Variants in CYFIP2 observed in about 807,000 individuals in gnomAD.
The protein encoded by CYFIP2 is cytoplasmic FMR1 interacting protein 2, also known as cytoplasmic FMR1-interacting protein 2.
In CYFIP2, 29 loss-of-function variants were observed where a neutral mutation model predicts 158.7. That is an observed-to-expected ratio of 0.18 (90% CI 0.14 to 0.25). The LOEUF is 0.25. Among genes scored for constraint, CYFIP2 ranks in the 10% least tolerant of loss-of-function variants. The probability of loss-of-function intolerance (pLI) is 1.00; values close to 1 mark genes in which losing one functional copy is unlikely to be tolerated. For synonymous variants in CYFIP2, 585 were observed against 617.6 expected (o/e 0.95, Z 0.78); for missense variants, 852 against 1,639.5 (o/e 0.52, Z 8.29).
At chr5:157,297,692 T>G (rs1758367765) in intron 5 of CYFIP2, among the ~76,000 whole-genome samples, 1 of 152,208 alleles carries the variant, frequency 6.6e-6, no homozygotes, top group Non-Finnish European at 1.5e-5. Flanking sequence ...AATTTAGAAC[T>G]GTGCTGTCCA....
At chr5:157,292,612 A>G (rs1435295834) in intron 3 of CYFIP2, among the ~76,000 whole-genome samples, 4 of 152,206 alleles carry the variant, frequency 2.6e-5, no homozygotes, top group Non-Finnish European at 2.9e-5. Context: ...GACATGCCAC[A>G]TATTATTTAT....
At chr5:157,362,374 A>G (rs1763917374) in intron 26 of CYFIP2, among the ~76,000 whole-genome samples, 1 of 152,248 alleles carries the variant, frequency 6.6e-6, no homozygotes, top group Non-Finnish European at 1.5e-5. Flanking sequence ...ACTCTGGTTC[A>G]TATGTGAAGA....
At chr5:157,332,930 T>C (rs901364633) in intron 20 of CYFIP2, among the ~76,000 whole-genome samples, 5 of 152,080 alleles carry the variant, frequency 3.3e-5, no homozygotes, top group Non-Finnish European at 7.4e-5. Flanking sequence ...AAAGATGGGG[T>C]TCTTGTCTGT....
intron 28 of CYFIP2, chr5:157,384,450 T>C (rs1399693352): frequency 4.4e-6 from 2 of 456,836 alleles, no homozygotes; most frequent in Admixed American, 2.3e-5. Context: ...CCGGCGGTCC[T>C]CTTTGGTGTT....
rs1001366923 is a variant in CYFIP2 at position 157,394,655 on chromosome 5, A to G, written c.*1655A>G. On this transcript the variant is annotated 3_prime_UTR_variant, in exon 31 of 31. Transcript: ENST00000620254. The stretch of plus-strand genomic sequence containing the variant: ...ACCCAAGTTGTTCTGTTGCACATCA[A>G]TGTTTGGGAACCACTGCTGTAAGGG... The G allele has an allele frequency of 2.4e-4, 37 of 152,332 alleles. No homozygotes were observed. The highest frequency in any genetic ancestry group is 8.2e-4 in the African/African-American group (34 of 41,574). The allele number at this position is 152,332 out of a possible 1,614,324, so 9.4% of individuals were successfully genotyped here.
chr5:157,353,269 T>C (rs1257203067), intron 23 of CYFIP2, among the ~76,000 whole-genome samples: 1 of 152,210 alleles, frequency 6.6e-6, no homozygotes, highest in Non-Finnish European at 1.5e-5. Flanking sequence ...AGTGATGACA[T>C]TGGTTCCCTT....
chr5:157,349,737 C>T (rs376166253), intron 23 of CYFIP2, among the ~76,000 whole-genome samples: 234 of 152,320 alleles, frequency 1.5e-3, no homozygotes, highest in African/African-American at 5.2e-3. Context: ...CCACCAGCAG[C>T]GTAAAAGTGT....
chr5:157,275,160 G>A (rs146267551), intron 1 of CYFIP2, among the ~76,000 whole-genome samples: 111 of 152,164 alleles, frequency 7.3e-4, no homozygotes, highest in African/African-American at 2.5e-3. Context: ...TCTTGATGGC[G>A]TCCTTTGAAG....
chr5:157,308,095 G>A (rs573380985), intron 9 of CYFIP2, among the ~76,000 whole-genome samples: 135 of 151,310 alleles, frequency 8.9e-4, no homozygotes, highest in African/African-American at 2.5e-3. Context: ...GCCACACATC[G>A]TTCCAAGTTG....
At chr5:157,337,511 A>C (rs1179471605) in intron 21 of CYFIP2, among the ~76,000 whole-genome samples, 1 of 152,252 alleles carries the variant, frequency 6.6e-6, no homozygotes, top group Non-Finnish European at 1.5e-5. Flanking sequence ...CTCTTTAGCC[A>C]TGTGTGTTTG....
At chr5:157,342,834 C>A in intron 23 of CYFIP2, 3 of 1,584,706 alleles carry the variant, frequency 1.9e-6, no homozygotes, top group South Asian at 1.2e-5. Flanking sequence ...CTTTAGGCTA[C>A]ATGATGCGGG....
chr5:157,337,780 G>A (rs991650563), intron 21 of CYFIP2, among the ~76,000 whole-genome samples: 1 of 152,234 alleles, frequency 6.6e-6, no homozygotes, highest in Non-Finnish European at 1.5e-5. Context: ...TGGCCTTGCC[G>A]ATGTTCTTTT....
chr5:157,330,546 C>T (rs185566290), intron 19 of CYFIP2, among the ~76,000 whole-genome samples, 196 bp from the exon 20 acceptor site: 2 of 152,236 alleles, frequency 1.3e-5, no homozygotes, highest in East Asian at 3.9e-4. Flanking sequence ...AACTTAGAAA[C>T]TCTGTTTCAC....
rs1763805335 is a variant in CYFIP2 at position 157,361,299 on chromosome 5, T to C, written c.2909-169T>C. ...AGCCAGCTACTCGAACTTTGTCCAG[T>C]ACTGAGCCCTGAAAGAAATCTCACT... On this transcript the variant is annotated intron_variant, in intron 25 of 30. Coordinates refer to ENST00000620254, the MANE Select transcript of CYFIP2 (RefSeq NM_001037333.3). The surrounding 1 kb of genome is among the most constrained non-coding windows in gnomAD (Gnocchi z 4.4). 1 of 742,528 alleles carries C rather than the reference T, an allele frequency of 1.3e-6. No individual in the cohort carries two copies. Among genetic ancestry groups the C allele is most frequent in the East Asian group, 2.8e-5 (1 of 35,660 alleles). 46.0% of individuals were successfully genotyped at this position (742,528 alleles called of 1,614,324 possible).
Position 157,344,740 on chromosome 5 carries a change from T to C in CYFIP2, c.2673+3583T>C, listed in dbSNP as rs555123046. 2.0e-5 allele frequency among the ~76,000 whole-genome samples: 3 copies of C among 152,280 alleles called. No individual in the cohort carries two copies. In the East Asian group the frequency reaches 5.8e-4, roughly 29 times the overall value. The stretch of plus-strand genomic sequence containing the variant: ...CTCTCCTCCCTCACATGAAACCCCG[T>C]AGGTTTCATTTTGGGTTGCAGTGAC... On this transcript the variant is annotated intron_variant, in intron 23 of 30. Coordinates refer to ENST00000620254, the MANE Select transcript of CYFIP2 (RefSeq NM_001037333.3).
intron 28 of CYFIP2, among the ~76,000 whole-genome samples, chr5:157,387,407 G>A (rs1433855045): frequency 2.0e-5 from 3 of 152,202 alleles, no homozygotes; most frequent in Admixed American, 2.0e-4. Flanking sequence ...TCAGTTGCCA[G>A]TTTTTCTATT....
chr5:157,320,614 A>C, intron 14 of CYFIP2, 41 bp from the exon 15 acceptor site: 1 of 1,612,668 alleles, frequency 6.2e-7, no homozygotes, highest in South Asian at 1.1e-5. Context: ...ACGTTTTCCC[A>C]TGGTGAAACC....
chr5:157,273,873 G>A (rs550938913), intron 1 of CYFIP2, among the ~76,000 whole-genome samples: 9 of 152,284 alleles, frequency 5.9e-5, no homozygotes, highest in African/African-American at 1.9e-4. Context: ...GGTGGCTCAT[G>A]TCTGTAACCC....
At chr5:157,353,482 G>T (rs1374038903) in intron 23 of CYFIP2, among the ~76,000 whole-genome samples, 1 of 152,208 alleles carries the variant, frequency 6.6e-6, no homozygotes, top group Non-Finnish European at 1.5e-5. Flanking sequence ...GAACCCAGAT[G>T]TTGGAGACCC....
Sources: gnomAD v4.1 joint callset for allele counts (sites outside exome capture counted in the v4.1 genomes callset) on GRCh38, gnomAD v4.1.1 for gene constraint, Gnocchi (gnomAD v3.1) non-coding constraint, MANE v1.5 for transcripts, NCBI Gene and HGNC (gene_info 2026-07-23, HGNC 2026-07-21) for gene names.